The following RGPD4 variants were observed in gnomAD, a reference collection of about 807,000 sequenced individuals.
The protein encoded by RGPD4 is ranBP2-like and GRIP domain-containing protein 4.
A neutral mutation model predicts 141.1 loss-of-function variants in RGPD4; 84 were observed. That is an observed-to-expected ratio of 0.60 (90% CI 0.50 to 0.71). The LOEUF (loss-of-function observed/expected upper bound fraction) is 0.71. Ranked by LOEUF, RGPD4 falls within the 30% of genes least tolerant of loss-of-function variation. The probability of loss-of-function intolerance (pLI) is 0.00; values close to 1 mark genes in which losing one functional copy is unlikely to be tolerated. For synonymous variants in RGPD4, 298 were observed against 566.8 expected, an observed-to-expected ratio of 0.53 and a Z score of 6.74; for missense variants, 918 against 1,622.4, an observed-to-expected ratio of 0.57 and a Z score of 7.46.
At position 107,890,812 on chromosome 2, in the gene RGPD4, T is replaced by C. The variant is rs62150254; in HGVS notation, c.*81T>C. The C allele has an allele frequency of 0.39, 619,917 of 1,574,048 alleles. 128,014 individuals carry two copies. Among genetic ancestry groups the C allele is most frequent in the Middle Eastern group, 0.43 (2,507 of 5,884 alleles). ...GATAGGTTGATGGAAGGAATATTTT[T>C]ATTAACCAAATAAAATCTATTTACA... On this transcript the variant is annotated 3_prime_UTR_variant, in exon 23 of 23. Coordinates refer to ENST00000408999, the MANE Select transcript of RGPD4 (RefSeq NM_182588.3).
chr2:107,830,267 C>T (rs1438843267), intron 1 of RGPD4, among the ~76,000 whole-genome samples: 3 of 150,008 alleles, frequency 2.0e-5, no homozygotes, highest in African/African-American at 4.9e-5. Context: ...TATTTTTCCT[C>T]TTTACATGTA....
intron 1 of RGPD4, among the ~76,000 whole-genome samples, chr2:107,834,702 GA>G (rs1307874506): frequency 7.0e-6 from 1 of 143,324 alleles, no homozygotes; most frequent in Non-Finnish European, 1.5e-5. Flanking sequence ...TTTAAGTGAA[GA>G]GGTGAGTTTT....
rs1682867025 is a variant in RGPD4, at chr2:107,870,518, ATAATG to A, written c.2701-183_2701-179del. ...TTTTTGAGGATATTAAAATGAGATA[ATAATG>A]TAAAGTGCTTAGAACAGTGCCCAGC... On this transcript the variant is annotated intron_variant, in intron 19 of 22. Coordinates refer to ENST00000408999, the MANE Select transcript of RGPD4 (RefSeq NM_182588.3). Among the ~76,000 whole-genome samples the A allele has an allele frequency of 5.4e-5, 8 of 148,712 alleles. No individual in the cohort carries two copies. In the South Asian group the frequency reaches 1.7e-3, roughly 32 times the overall value.
intron 22 of RGPD4, among the ~76,000 whole-genome samples, chr2:107,884,955 G>A (rs1435363706): frequency 6.6e-6 from 1 of 151,328 alleles, no homozygotes; most frequent in Non-Finnish European, 1.5e-5. Flanking sequence ...TACTTCATAA[G>A]TAGTATTGAT....
In RGPD4 at chr2:107,890,485, G is replaced by A. The variant is rs1227393961; in HGVS notation, c.5267-236G>A. ...AATCACTTGAGCCTGGGAGATCAAGGCTGCACTGAAGTCTCATCACGCCAC... is the reference window on the plus strand; with the variant it reads ...AATCACTTGAGCCTGGGAGATCAAGACTGCACTGAAGTCTCATCACGCCAC... On this transcript the variant is annotated intron_variant, in intron 22 of 22. Transcript: ENST00000408999. 2.2e-3 allele frequency among the ~76,000 whole-genome samples: 287 copies of A among 132,018 alleles called. 2 individuals are homozygous for A. The highest frequency in any genetic ancestry group is 7.7e-3 in the African/African-American group (265 of 34,462). 86.6% of individuals were successfully genotyped at this position (132,018 alleles called of 152,430 possible).
intron 1 of RGPD4, among the ~76,000 whole-genome samples, chr2:107,832,623 G>A (rs2104400635): frequency 8.9e-6 from 1 of 112,378 alleles, no homozygotes; most frequent in East Asian, 2.1e-4. Flanking sequence ...TCTATTTTTA[G>A]TAGAGATGGG....
chr2:107,834,181 T>C (rs1681592557), intron 1 of RGPD4, among the ~76,000 whole-genome samples: 1 of 151,670 alleles, frequency 6.6e-6, no homozygotes, highest in Admixed American at 6.6e-5. Flanking sequence ...CGTTTTGTAA[T>C]TTAAGCATAC....
rs1255771096 is a variant in RGPD4, at chr2:107,882,813, A to G, written c.5206A>G (p.Ile1736Val). ...TGAAAGAGAGAGACTTCTTCCTGTT[A>G]TAAATACGATGTTGCAGCTCAGCCC... is the stretch of plus-strand genomic sequence containing the variant. The part of the protein sequence containing the change: ...GSERERLLPV[I>V]NTMLQLSPEE... The change falls in exon 22 of 23, where the codon ATA becomes GTA. Residue 1736 changes from isoleucine to valine, a missense_variant. Ile to Val is a conservative substitution (Grantham distance 29). Coordinates refer to ENST00000408999, the MANE Select transcript of RGPD4 (RefSeq NM_182588.3). The G allele has an allele frequency of 6.2e-7, 1 of 1,610,966 alleles. No individual in the cohort carries two copies. Among genetic ancestry groups the G allele is most frequent in the Non-Finnish European group, 8.5e-7 (1 of 1,179,764 alleles).
chr2:107,874,325 A>G (rs1192846987), intron 20 of RGPD4, among the ~76,000 whole-genome samples: 3 of 150,246 alleles, frequency 2.0e-5, no homozygotes, highest in Non-Finnish European at 4.4e-5. Flanking sequence ...TACAGCTTGC[A>G]TATTATATAT....
intron 1 of RGPD4, among the ~76,000 whole-genome samples, chr2:107,827,626 G>T (rs1424561082): frequency 8.5e-4 from 44 of 51,632 alleles, no homozygotes; most frequent in Middle Eastern, 0.019. Context: ...TGGCTCAGGC[G>T]TCATGGCTCC....
At chr2:107,831,777 T>C (rs980317629) in intron 1 of RGPD4, among the ~76,000 whole-genome samples, 2 of 147,060 alleles carry the variant, frequency 1.4e-5, no homozygotes, top group African/African-American at 5.1e-5. Context: ...TTCACCGTGT[T>C]AGCCAGGATA....
chr2:107,865,526 G>A (rs2433713), intron 17 of RGPD4, among the ~76,000 whole-genome samples: 3 of 149,610 alleles, frequency 2.0e-5, no homozygotes, highest in Non-Finnish European at 3.0e-5. Context: ...TAGTTTGTAG[G>A]TACTTGTTTT....
chr2:107,881,614 C>A (rs1315033860), intron 21 of RGPD4, among the ~76,000 whole-genome samples: 1 of 151,042 alleles, frequency 6.6e-6, no homozygotes, highest in South Asian at 2.1e-4. Context: ...CCACGCCTGG[C>A]CAAATGTTAT....
intron 22 of RGPD4, among the ~76,000 whole-genome samples, chr2:107,889,150 T>C (rs908548565): frequency 2.0e-5 from 3 of 149,652 alleles, no homozygotes; most frequent in Admixed American, 2.0e-4. Context: ...GAATGGTGTC[T>C]GGAAGGGTAA....
At chr2:107,880,541 G>A (rs1368266864) in intron 21 of RGPD4, among the ~76,000 whole-genome samples, 2 of 151,726 alleles carry the variant, frequency 1.3e-5, no homozygotes, top group African/African-American at 2.4e-5. Context: ...GGTATTACAG[G>A]CGTGAGCCAC....
At chr2:107,876,562 A>T (rs1186160274) in intron 20 of RGPD4, among the ~76,000 whole-genome samples, 1 of 151,108 alleles carries the variant, frequency 6.6e-6, no homozygotes, top group African/African-American at 2.4e-5. Flanking sequence ...TTGCTTTCAC[A>T]TTTACAATTA....
intron 22 of RGPD4, among the ~76,000 whole-genome samples, chr2:107,885,346 T>C (rs1046111083): frequency 6.6e-6 from 1 of 152,154 alleles, no homozygotes; most frequent in Non-Finnish European, 1.5e-5. Context: ...ATTAAAGTTT[T>C]CAATAGTTTT....
intron 1 of RGPD4, among the ~76,000 whole-genome samples, chr2:107,833,760 C>G (rs1165200189): frequency 6.6e-6 from 1 of 152,002 alleles, no homozygotes; most frequent in Non-Finnish European, 1.5e-5. Flanking sequence ...GGGAACTGGC[C>G]GGGCTCCGTG....
At chr2:107,833,144 G>C (rs1319710524) in intron 1 of RGPD4, among the ~76,000 whole-genome samples, 1 of 148,612 alleles carries the variant, frequency 6.7e-6, no homozygotes, top group East Asian at 2.0e-4. Flanking sequence ...AGATGGGTTT[G>C]TTGAGAACAG....
Sources: gnomAD v4.1 joint callset for allele counts (sites outside exome capture counted in the v4.1 genomes callset) on GRCh38, gnomAD v4.1.1 for gene constraint, MANE v1.5 for transcripts, NCBI Gene and HGNC (gene_info 2026-07-23, HGNC 2026-07-21) for gene names.